Variants in CPE observed in about 807,000 individuals in gnomAD.
CPE encodes the protein carbocypeptidase E.
A neutral mutation model predicts 53.5 loss-of-function variants in CPE; 17 were observed. The observed-to-expected ratio is 0.32, with a 90% CI of 0.22 to 0.48. The LOEUF is 0.48. Among genes scored for constraint, CPE ranks in the 20% least tolerant of loss-of-function variants. The pLI, the probability that CPE is intolerant of heterozygous loss-of-function variation, is 0.99. For missense variants in CPE, 524 were observed against 614.7 expected, an observed-to-expected ratio of 0.85 and a Z score of 1.56; for synonymous variants, 226 against 228.8, an observed-to-expected ratio of 0.99 and a Z score of 0.11.
intron 1 of CPE, among the ~76,000 whole-genome samples, chr4:165,408,368 T>G (rs1730985017): frequency 6.6e-6 from 1 of 152,188 alleles, no homozygotes; most frequent in African/African-American, 2.4e-5. Flanking sequence ...TTCCTTCTTT[T>G]GCAGATGGAT....
chr4:165,493,509 T>C (rs1732645945), intron 7 of CPE, among the ~76,000 whole-genome samples: 1 of 152,154 alleles, frequency 6.6e-6, no homozygotes, highest in African/African-American at 2.4e-5. Context: ...TTTCCTCAGC[T>C]ATCTCGCCCC....
rs377687780 is a variant in CPE at position 165,495,555 on chromosome 4, A to T, written c.1214-4A>T. 6.3e-7 allele frequency: 1 copy of T among 1,590,264 alleles called. No individual in the cohort carries two copies. Among genetic ancestry groups the T allele is most frequent in the South Asian group, 1.1e-5 (1 of 89,540 alleles). On this transcript the variant is annotated splice_polypyrimidine_tract_variant and splice_region_variant and intron_variant, in intron 7 of 8. Transcript: ENST00000402744. ...TTGTGATTTGATATTCTGCCTTCCT[A>T]CAGCAAAGGATGGTGATTACTGGAG...
chr4:165,416,428 G>A (rs1731124179), intron 1 of CPE, among the ~76,000 whole-genome samples: 1 of 152,168 alleles, frequency 6.6e-6, no homozygotes. Flanking sequence ...TAAATTTCCA[G>A]TAGTGTAGCT....
Position 165,461,166 on chromosome 4 carries a change from C to CAAAAAAAAAAAAAAAAAAAAAAAAA in CPE, c.308-3203_308-3202insAAAAAAAAAAAAAAAAAAAAAAAAA, listed in dbSNP as rs1173022270. Among the ~76,000 whole-genome samples the CAAAAAAAAAAAAAAAAAAAAAAAAA allele has an allele frequency of 9.1e-4, 40 of 44,190 alleles. 2 individuals carry two copies. The highest frequency in any genetic ancestry group is 0.012 in the Middle Eastern group (1 of 84). 29.0% of individuals were successfully genotyped at this position (44,190 alleles called of 152,430 possible). A position where few individuals can be genotyped will look rare whatever the true frequency, so the allele number is the denominator to read the frequency against. On this transcript the variant is annotated intron_variant, in intron 1 of 8. Coordinates refer to ENST00000402744, the MANE Select transcript of CPE (RefSeq NM_001873.4). The stretch of plus-strand genomic sequence containing the variant: ...TGGGTGACAGAGTGAGCCTCTGCCT[C>CAAAAAAAAAAAAAAAAAAAAAAAAA]AAAAAAAAAAAAAAAAAAAAAGAAA...
At chr4:165,396,577 A>G (rs1414950485) in intron 1 of CPE, among the ~76,000 whole-genome samples, 2 of 151,728 alleles carry the variant, frequency 1.3e-5, no homozygotes, top group Admixed American at 6.6e-5. Flanking sequence ...AGGCTGAGGC[A>G]GGAGAATTGC....
In CPE at chr4:165,379,063, G is replaced by A; in HGVS notation, c.-159G>A. 1.6e-6 allele frequency: 1 copy of A among 618,956 alleles called. No individual in the cohort carries two copies. The highest frequency in any genetic ancestry group is 2.3e-6 in the Non-Finnish European group (1 of 441,234). 38.3% of individuals were successfully genotyped at this position (618,956 alleles called of 1,614,324 possible). A position where few individuals can be genotyped will look rare whatever the true frequency, so the allele number is the denominator to read the frequency against. ...CCCGTCTCCTCTGGGTGGCCCCAGTGCGCGGGCTGACACTCATTCAGCCGG... is the reference window on the plus strand; with the variant it reads ...CCCGTCTCCTCTGGGTGGCCCCAGTACGCGGGCTGACACTCATTCAGCCGG... On this transcript the variant is annotated 5_prime_UTR_variant, in exon 1 of 9. Coordinates refer to ENST00000402744, the MANE Select transcript of CPE (RefSeq NM_001873.4). The surrounding 1 kb of genome is among the most constrained non-coding windows in gnomAD (Gnocchi z 6.0).
intron 3 of CPE, among the ~76,000 whole-genome samples, chr4:165,479,650 A>G (rs957901423): frequency 3.3e-5 from 5 of 152,220 alleles, no homozygotes; most frequent in Non-Finnish European, 1.5e-5. Flanking sequence ...CACATGACAC[A>G]CTTAGAAAAT....
At chr4:165,444,172 G>A (rs1304566643) in intron 1 of CPE, among the ~76,000 whole-genome samples, 2 of 152,164 alleles carry the variant, frequency 1.3e-5, no homozygotes, top group African/African-American at 4.8e-5. Flanking sequence ...TAAAGTCGGT[G>A]TTATTATTAG....
intron 1 of CPE, chr4:165,406,117 C>A (rs1730949116): frequency 1.6e-5 from 12 of 755,896 alleles, no homozygotes; most frequent in South Asian, 1.5e-4. Flanking sequence ...AGATTTCATT[C>A]ATAACTTCCG....
chr4:165,472,021 A>G (rs1172435407), intron 3 of CPE, among the ~76,000 whole-genome samples: 1 of 152,244 alleles, frequency 6.6e-6, no homozygotes, highest in East Asian at 1.9e-4. Context: ...AGGTAGAGAG[A>G]AATATGCTCC....
intron 1 of CPE, among the ~76,000 whole-genome samples, chr4:165,398,613 A>T: frequency 6.6e-6 from 1 of 152,246 alleles, no homozygotes; most frequent in South Asian, 2.1e-4. Flanking sequence ...TATTTTAACT[A>T]AAGTATCTGG....
chr4:165,446,034 T>C (rs567767659), intron 1 of CPE, among the ~76,000 whole-genome samples: 1 of 152,224 alleles, frequency 6.6e-6, no homozygotes, highest in East Asian at 1.9e-4. Context: ...AATTGGCTTC[T>C]AGGTAGAATA....
intron 3 of CPE, among the ~76,000 whole-genome samples, chr4:165,468,073 G>A (rs1560891193): frequency 6.6e-6 from 1 of 152,086 alleles, no homozygotes; most frequent in Non-Finnish European, 1.5e-5. Flanking sequence ...TGCAGATATA[G>A]GGAGGAACCC....
At chr4:165,386,226 C>T in intron 1 of CPE, 1 of 522,136 alleles carries the variant, frequency 1.9e-6, no homozygotes, top group South Asian at 1.5e-5. Context: ...TATGGTATTT[C>T]CCACTGTTGG....
chr4:165,388,718 A>G (rs1730636367), intron 1 of CPE, among the ~76,000 whole-genome samples: 1 of 152,106 alleles, frequency 6.6e-6, no homozygotes, highest in African/African-American at 2.4e-5. Flanking sequence ...TCTGTAGGGG[A>G]AACTACTGAA....
At chr4:165,440,973 A>G (rs141823562) in intron 1 of CPE, among the ~76,000 whole-genome samples, 4 of 152,178 alleles carry the variant, frequency 2.6e-5, no homozygotes, top group Admixed American at 6.5e-5. Context: ...TATTGCATCA[A>G]TGGAAATGCA....
chr4:165,491,120 TTAAC>T (rs1428210540), intron 6 of CPE, among the ~76,000 whole-genome samples: 2 of 152,236 alleles, frequency 1.3e-5, no homozygotes, highest in Middle Eastern at 3.2e-3. Flanking sequence ...ATTTACTTCT[TTAAC>T]TATTTGTTAA....
chr4:165,492,276 A>G (rs1182097001), intron 6 of CPE, among the ~76,000 whole-genome samples: 2 of 152,240 alleles, frequency 1.3e-5, no homozygotes, highest in African/African-American at 2.4e-5. Context: ...ATTTAATGCA[A>G]AAGCAGTCAC....
intron 6 of CPE, among the ~76,000 whole-genome samples, chr4:165,490,003 A>G (rs1446559251): frequency 1.3e-5 from 2 of 152,218 alleles, no homozygotes; most frequent in African/African-American, 2.4e-5. Flanking sequence ...AGAACACTCC[A>G]GTTTAGGAAA....
Sources: gnomAD v4.1 joint callset for allele counts (sites outside exome capture counted in the v4.1 genomes callset) on GRCh38, gnomAD v4.1.1 for gene constraint, Gnocchi (gnomAD v3.1) non-coding constraint, MANE v1.5 for transcripts, NCBI Gene and HGNC (gene_info 2026-07-23, HGNC 2026-07-21) for gene names.